GALNT14: variants seen among roughly 807,000 people sequenced by gnomAD.
GALNT14 encodes UDP-GalNAc:polypeptide N-acetylgalactosaminyltransferase 14.
A neutral mutation model predicts 77.5 loss-of-function variants in GALNT14; 60 were observed. The observed-to-expected ratio is 0.77, with a 90% CI of 0.63 to 0.96. The LOEUF is 0.96. Among genes scored for constraint, GALNT14 ranks in the 40% least tolerant of loss-of-function variants. The pLI is 0.00. For synonymous variants in GALNT14, 280 were observed against 281.7 expected (o/e 0.99, Z 0.06); for missense variants, 710 against 731.0 (o/e 0.97, Z 0.33).
intron 1 of GALNT14, among the ~76,000 whole-genome samples, chr2:31,014,389 C>A (rs1489810098): frequency 6.6e-6 from 1 of 152,098 alleles, no homozygotes; most frequent in Admixed American, 6.5e-5. Flanking sequence ...AGGGAGAAGC[C>A]CCTCCCACAG....
chr2:30,943,570 T>G (rs888306006), intron 8 of GALNT14, among the ~76,000 whole-genome samples: 1 of 152,256 alleles, frequency 6.6e-6, no homozygotes, highest in East Asian at 1.9e-4. Flanking sequence ...ATGCCACCCC[T>G]GCGACAGAGG....
intron 13 of GALNT14, among the ~76,000 whole-genome samples, chr2:30,919,042 C>T (rs1664875766): frequency 6.6e-6 from 1 of 152,156 alleles, no homozygotes; most frequent in Non-Finnish European, 1.5e-5. Context: ...CAGCCAGTAG[C>T]CCACACACTG....
intron 1 of GALNT14, among the ~76,000 whole-genome samples, chr2:31,029,569 C>T (rs907575452): frequency 2.0e-5 from 3 of 152,206 alleles, no homozygotes; most frequent in Non-Finnish European, 2.9e-5. Context: ...ATATGTACAA[C>T]GCACAGGTCA....
chr2:31,089,386 G>A lies in GALNT14; in HGVS notation c.129+48572C>T, dbSNP rs575720210. ...GAGGCTTAATAATTACTTGTTAACTGGCTCAAGAAGAAAAAGTATGTGATT... is the reference window on the plus strand; with the variant it reads ...GAGGCTTAATAATTACTTGTTAACTAGCTCAAGAAGAAAAAGTATGTGATT... On this transcript the variant is annotated intron_variant, in intron 1 of 14. Transcript: ENST00000349752. 4.9e-4 allele frequency among the ~76,000 whole-genome samples: 74 copies of A among 151,918 alleles called. 1 individual carries two copies. Among genetic ancestry groups the A allele is most frequent in the African/African-American group, 1.7e-3 (71 of 41,234 alleles).
At chr2:31,075,499 A>C (rs1011804454) in intron 1 of GALNT14, among the ~76,000 whole-genome samples, 47 of 152,174 alleles carry the variant, frequency 3.1e-4, no homozygotes, top group Admixed American at 2.9e-3. Flanking sequence ...CGGCTTGAAA[A>C]GTGTTTCTTG....
Position 30,924,200 on chromosome 2 carries a change from A to C in GALNT14, c.1299T>G (p.Ser433=). Residue 433 remains serine, a synonymous_variant, in exon 13 of 15, where the codon TCT becomes TCG. Transcript: ENST00000349752. ...GGGTTTCTTGGTTGTTCTGCCTTTG[A>C]GATTCCAGGCACTTCTGTCTCTGTC... ...NIRQRQKCLE[S]QRQNNQETPN... is the part of the protein sequence containing the mutation. 1 of 1,614,152 alleles carries C rather than the reference A, an allele frequency of 6.2e-7. No homozygotes were observed. The highest frequency in any genetic ancestry group is 8.5e-7 in the Non-Finnish European group (1 of 1,180,018).
intron 1 of GALNT14, among the ~76,000 whole-genome samples, chr2:31,064,893 A>G (rs968050825): frequency 6.6e-6 from 1 of 151,898 alleles, no homozygotes. Context: ...TGATCTCCAG[A>G]ATAAACAAAG....
intron 1 of GALNT14, among the ~76,000 whole-genome samples, chr2:31,036,262 AT>A (rs1672733528): frequency 6.6e-6 from 1 of 152,010 alleles, no homozygotes; most frequent in Admixed American, 6.6e-5. Context: ...CTAGCATACC[AT>A]TTTTGTTCCC....
chr2:30,925,181 C>G (rs1665295085), intron 11 of GALNT14, among the ~76,000 whole-genome samples: 1 of 152,190 alleles, frequency 6.6e-6, no homozygotes, highest in African/African-American at 2.4e-5. Context: ...TGCTTATTCA[C>G]AATTTCTCTT....
At chr2:31,115,979 C>T (rs943719468) in intron 1 of GALNT14, among the ~76,000 whole-genome samples, 1 of 152,164 alleles carries the variant, frequency 6.6e-6, no homozygotes, top group African/African-American at 2.4e-5. Context: ...TATGACTGCA[C>T]CACTGCACTC....
the GALNT14 span, among the ~76,000 whole-genome samples, chr2:30,894,656 A>G: frequency 6.6e-6 from 1 of 152,212 alleles, no homozygotes; most frequent in Non-Finnish European, 1.5e-5. Context: ...TGAAAGCTGA[A>G]CTACTTCCGG....
intron 1 of GALNT14, among the ~76,000 whole-genome samples, chr2:31,044,204 C>G (rs146411105): frequency 1.3e-5 from 2 of 152,286 alleles, no homozygotes; most frequent in African/African-American, 4.8e-5. Context: ...CATCAGAGTT[C>G]CCAGAAATAT....
intron 1 of GALNT14, among the ~76,000 whole-genome samples, chr2:31,121,571 T>C (rs757261731): frequency 2.6e-5 from 4 of 152,150 alleles, no homozygotes; most frequent in Non-Finnish European, 5.9e-5. Flanking sequence ...TTTTAACTTT[T>C]CCGCAGTCTG....
chr2:31,047,225 A>G (rs1423775401), intron 1 of GALNT14, among the ~76,000 whole-genome samples: 1 of 152,136 alleles, frequency 6.6e-6, no homozygotes, highest in Non-Finnish European at 1.5e-5. Flanking sequence ...CCCTGCCCCC[A>G]TTCCCAATCA....
rs145264998 is a variant in GALNT14, at chr2:31,058,304, G to A, written c.130-65297C>T. 8.0e-3 allele frequency among the ~76,000 whole-genome samples: 1,221 copies of A among 152,174 alleles called. 16 individuals carry two copies. Among genetic ancestry groups the A allele is most frequent in the African/African-American group, 0.028 (1,169 of 41,514 alleles). On this transcript the variant is annotated intron_variant, in intron 1 of 14. Transcript: ENST00000349752. ...GGAACCACGGCACCCACCTCCCAGCGGGCTGGGCTGGGCGAATTAGGTGGG... is the reference window on the plus strand; with the variant it reads ...GGAACCACGGCACCCACCTCCCAGCAGGCTGGGCTGGGCGAATTAGGTGGG...
In GALNT14 at chr2:30,955,930, G is replaced by A. The variant is rs757465089; in HGVS notation, c.514C>T (p.Arg172Cys). Reference protein sequence around the residue: ...LIKLPKVKCLRNNERQGLVRS... With the variant: ...LIKLPKVKCLCNNERQGLVRS... ...GACCTACCTTGCCGTTCATTATTGC[G>A]CAAGCATTTCACCTTGGGCAACTTG... Residue 172 changes from arginine to cysteine, a missense_variant, in exon 5 of 15, where the codon CGC becomes TGC. Transcript: ENST00000349752. 1.7e-5 allele frequency: 27 copies of A among 1,613,942 alleles called. No homozygotes were observed. The highest frequency in any genetic ancestry group is 2.2e-5 in the East Asian group (1 of 44,898).
At chr2:30,983,258 G>A (rs1037095696) in intron 2 of GALNT14, among the ~76,000 whole-genome samples, 3 of 152,154 alleles carry the variant, frequency 2.0e-5, no homozygotes, top group African/African-American at 7.2e-5. Context: ...GTCCACCTGA[G>A]GGATTTATTC....
At chr2:31,116,015 C>G (rs1678088236) in intron 1 of GALNT14, among the ~76,000 whole-genome samples, 1 of 152,038 alleles carries the variant, frequency 6.6e-6, no homozygotes, top group South Asian at 2.1e-4. Context: ...AGAGACAGAT[C>G]CTGTCTCCAA....
At chr2:30,919,847 G>A (rs1572965986) in intron 13 of GALNT14, among the ~76,000 whole-genome samples, 2 of 152,316 alleles carry the variant, frequency 1.3e-5, no homozygotes, top group East Asian at 1.9e-4. Context: ...GTGTGGAATT[G>A]GGAGTAGGAG....
Sources: allele counts gnomAD v4.1 joint callset (sites outside exome capture counted in the v4.1 genomes callset), GRCh38; gene constraint gnomAD v4.1.1; transcripts MANE v1.5; gene names NCBI Gene and HGNC (gene_info 2026-07-23, HGNC 2026-07-21).